The following HS3ST4 variants were observed in gnomAD, a reference collection of about 807,000 sequenced individuals.
The protein encoded by HS3ST4 is heparan sulfate-glucosamine 3-sulfotransferase 4.
A neutral mutation model predicts 29.2 loss-of-function variants in HS3ST4; 17 were observed. The observed-to-expected ratio is 0.58, with a 90% CI of 0.40 to 0.87. The LOEUF (loss-of-function observed/expected upper bound fraction) is 0.87, where lower values mean the gene tolerates loss of function less well. Among genes scored for constraint, HS3ST4 ranks in the 40% least tolerant of loss-of-function variants. HS3ST4 has a pLI of 0.00. For synonymous variants in HS3ST4, 314 were observed against 285.7 expected, an observed-to-expected ratio of 1.10 and a Z score of -1.00; for missense variants, 627 against 634.5, an observed-to-expected ratio of 0.99 and a Z score of 0.13.
At chr16:25,721,945 A>G (rs990278309) in intron 1 of HS3ST4, among the ~76,000 whole-genome samples, 6 of 152,242 alleles carry the variant, frequency 3.9e-5, no homozygotes, top group Admixed American at 2.6e-4. Context: ...AGGAAGACGT[A>G]GAAGATGTGG....
intron 1 of HS3ST4, among the ~76,000 whole-genome samples, chr16:25,893,647 A>T (rs1405379850): frequency 6.6e-6 from 1 of 152,148 alleles, no homozygotes; most frequent in Non-Finnish European, 1.5e-5. Flanking sequence ...ATTTTGAATG[A>T]CCCAGTTGGG....
rs140417568 is a variant in HS3ST4 at position 25,933,557 on chromosome 16, T to C, written c.735-202055T>C. ...GCAGTTGTCACATTTTATCTGCTTG[T>C]ATTTTCTCCCCATTTACTAGAAGGG... On this transcript the variant is annotated intron_variant, in intron 1 of 1. Transcript: ENST00000331351. Among the ~76,000 whole-genome samples the C allele has an allele frequency of 5.2e-3, 791 of 152,298 alleles. 6 individuals carry two copies. The highest frequency in any genetic ancestry group is 0.018 in the African/African-American group (761 of 41,562).
chr16:26,081,534 T>C (rs1898723704), intron 1 of HS3ST4, among the ~76,000 whole-genome samples: 2 of 152,142 alleles, frequency 1.3e-5, no homozygotes, highest in African/African-American at 2.4e-5. Flanking sequence ...TCCTGTGCAG[T>C]CTGTCCATTG....
chr16:25,913,643 G>A, intron 1 of HS3ST4, among the ~76,000 whole-genome samples: 1 of 152,338 alleles, frequency 6.6e-6, no homozygotes, highest in Admixed American at 6.5e-5. Flanking sequence ...GTGTTTTGCA[G>A]GGTAGAGAAG....
chr16:25,805,299 T>A (rs1409002880), intron 1 of HS3ST4, among the ~76,000 whole-genome samples: 2 of 152,190 alleles, frequency 1.3e-5, no homozygotes, highest in African/African-American at 2.4e-5. Context: ...ATTCATTGAT[T>A]TTGGAGACTG....
chr16:25,854,518 C>G (rs1480476857), intron 1 of HS3ST4, among the ~76,000 whole-genome samples: 2 of 152,076 alleles, frequency 1.3e-5, no homozygotes, highest in African/African-American at 4.8e-5. Context: ...GTATCCTGTG[C>G]CGACCTCCTA....
intron 1 of HS3ST4, among the ~76,000 whole-genome samples, chr16:26,038,444 A>G (rs977341550): frequency 2.0e-5 from 3 of 152,030 alleles, no homozygotes; most frequent in East Asian, 1.9e-4. Flanking sequence ...TTTCCCCACT[A>G]TAGCCCCAGC....
chr16:25,923,601 A>G (rs1181798222), intron 1 of HS3ST4, among the ~76,000 whole-genome samples: 1 of 151,924 alleles, frequency 6.6e-6, no homozygotes, highest in Non-Finnish European at 1.5e-5. Flanking sequence ...CTGGCTCTAC[A>G]TTTTTCCTCC....
intron 1 of HS3ST4, among the ~76,000 whole-genome samples, chr16:25,725,357 G>A (rs991192357): frequency 2.0e-5 from 3 of 151,844 alleles, no homozygotes; most frequent in African/African-American, 4.8e-5. Context: ...CTTAGCCCCC[G>A]GTTTTTAACG....
chr16:25,988,705 G>A (rs111394423), intron 1 of HS3ST4, among the ~76,000 whole-genome samples: 357 of 152,204 alleles, frequency 2.3e-3, no homozygotes, highest in African/African-American at 8.2e-3. Flanking sequence ...ACTGGGGACC[G>A]TCGGAGAGTG....
In HS3ST4 at chr16:26,009,729, C is replaced by T. The variant is rs562752581; in HGVS notation, c.735-125883C>T. On this transcript the variant is annotated intron_variant, in intron 1 of 1. Coordinates refer to ENST00000331351, the MANE Select transcript of HS3ST4 (RefSeq NM_006040.3). ...AAATAACCTATTTCACTCCCACTCA[C>T]ATTTTATGAGCTAAAGCAGTTCACG... 3.9e-5 allele frequency among the ~76,000 whole-genome samples: 6 copies of T among 152,358 alleles called. No individual in the cohort carries two copies. The East Asian group carries it at 1.2e-3, about 29-fold the overall frequency.
At chr16:25,764,865 A>C (rs961319848) in intron 1 of HS3ST4, among the ~76,000 whole-genome samples, 2 of 152,250 alleles carry the variant, frequency 1.3e-5, no homozygotes, top group Non-Finnish European at 2.9e-5. Flanking sequence ...AATTCAGCTC[A>C]GTGCTGTGTG....
chr16:25,703,281 G>T (rs1966349060), intron 1 of HS3ST4, among the ~76,000 whole-genome samples: 1 of 152,174 alleles, frequency 6.6e-6, no homozygotes, highest in African/African-American at 2.4e-5. Flanking sequence ...TAGGACGGGA[G>T]GGGGAGATGG....
chr16:25,858,867 C>CT (rs1358050984), intron 1 of HS3ST4, among the ~76,000 whole-genome samples: 2 of 151,944 alleles, frequency 1.3e-5, no homozygotes, highest in Non-Finnish European at 2.9e-5. Flanking sequence ...TGTGTCCTTC[C>CT]TTTTTTTATC....
intron 1 of HS3ST4, among the ~76,000 whole-genome samples, chr16:25,780,310 A>C (rs150098022): frequency 6.6e-6 from 1 of 152,246 alleles, no homozygotes; most frequent in Non-Finnish European, 1.5e-5. Flanking sequence ...AGTAGATCAC[A>C]CTGGTTAGGA....
intron 1 of HS3ST4, among the ~76,000 whole-genome samples, chr16:26,099,571 A>G (rs145948055): frequency 1.2e-3 from 178 of 152,314 alleles, no homozygotes; most frequent in African/African-American, 4.0e-3. Flanking sequence ...AAATTTTAAA[A>G]CGAAAGGAAC....
intron 1 of HS3ST4, among the ~76,000 whole-genome samples, chr16:25,755,775 G>A (rs569301651): frequency 6.6e-6 from 1 of 152,240 alleles, no homozygotes; most frequent in Non-Finnish European, 1.5e-5. Flanking sequence ...AAGCAAAACT[G>A]CCCTCTTCAA....
intron 1 of HS3ST4, among the ~76,000 whole-genome samples, chr16:26,114,983 T>C (rs1899182103): frequency 6.6e-6 from 1 of 152,108 alleles, no homozygotes; most frequent in Non-Finnish European, 1.5e-5. Flanking sequence ...GGACTCTCTC[T>C]AGGAGAATAG....
chr16:26,070,900 C>T (rs951831327), intron 1 of HS3ST4, among the ~76,000 whole-genome samples: 3 of 152,214 alleles, frequency 2.0e-5, no homozygotes, highest in Admixed American at 6.5e-5. Context: ...GTCTCCTACT[C>T]ATCTGGAGAA....
Sources: gnomAD v4.1 joint callset for allele counts (sites outside exome capture counted in the v4.1 genomes callset) on GRCh38, gnomAD v4.1.1 for gene constraint, MANE v1.5 for transcripts, NCBI Gene and HGNC (gene_info 2026-07-23, HGNC 2026-07-21) for gene names.